Variants in CNR2 observed in about 807,000 individuals in gnomAD.
CNR2 encodes the protein cannabinoid receptor 2, also known as cannabinoid receptor 2 (macrophage).
For missense variants in CNR2, 379 were observed against 439.9 expected (o/e 0.86, Z 1.24); for synonymous variants, 172 against 182.2 (o/e 0.94, Z 0.45).
At chr1:23,891,329 C>T (rs545003810) in intron 1 of CNR2, among the ~76,000 whole-genome samples, 22 of 150,208 alleles carry the variant, frequency 1.5e-4, no homozygotes, top group Admixed American at 1.2e-3. Context: ...TACTGAAAAT[C>T]CAAATCAGGC....
chr1:23,888,858 A>G (rs1307677832), intron 1 of CNR2, among the ~76,000 whole-genome samples: 1 of 152,134 alleles, frequency 6.6e-6, no homozygotes, highest in Non-Finnish European at 1.5e-5. Context: ...AATCCCAGCT[A>G]TTCGGGAGGC....
At position 23,912,049 on chromosome 1, in the gene CNR2, C is replaced by T. The variant is rs540004819; in HGVS notation, c.-46+1197G>A. ...TCAAACTCTCCACCACAGCCATTCC[C>T]GAGCCCTGTGCTGCTGCCCGCCCTG... On this transcript the variant is annotated intron_variant, in intron 1 of 1. Transcript: ENST00000374472. Among the ~76,000 whole-genome samples, 116 of 152,306 alleles carry T rather than the reference C, an allele frequency of 7.6e-4. 2 individuals carry two copies. Among genetic ancestry groups the T allele is most frequent in the South Asian group, 2.3e-3 (11 of 4,832 alleles).
intron 1 of CNR2, among the ~76,000 whole-genome samples, chr1:23,877,768 C>A (rs1015941895): frequency 1.3e-5 from 2 of 152,030 alleles, no homozygotes; most frequent in African/African-American, 4.8e-5. Context: ...CAAGACTAGC[C>A]TGGCTAACAT....
At chr1:23,896,910 G>C (rs1390324593) in intron 1 of CNR2, among the ~76,000 whole-genome samples, 1 of 132,814 alleles carries the variant, frequency 7.5e-6, no homozygotes, top group South Asian at 2.4e-4. Context: ...CTAGAGTCTT[G>C]CTCTGTCACC....
chr1:23,902,252 G>C, intron 1 of CNR2: 1 of 1,369,322 alleles, frequency 7.3e-7, no homozygotes, highest in Non-Finnish European at 1.0e-6. Context: ...ACGTCTGCCG[G>C]TCCATCTCAC....
intron 1 of CNR2, chr1:23,902,788 C>CAA (rs1640423810): frequency 1.1e-5 from 15 of 1,422,594 alleles, no homozygotes; most frequent in Non-Finnish European, 1.2e-5. Context: ...GTGTGGGCTG[C>CAA]GCGGGCGCGG....
chr1:23,898,899 C>T (rs886348488), intron 1 of CNR2, among the ~76,000 whole-genome samples: 3 of 149,670 alleles, frequency 2.0e-5, no homozygotes, highest in African/African-American at 7.4e-5. Context: ...GTGATCCAAC[C>T]ACCTCCACCT....
chr1:23,883,789 C>T (rs1640033191), intron 1 of CNR2, among the ~76,000 whole-genome samples: 1 of 152,134 alleles, frequency 6.6e-6, no homozygotes, highest in South Asian at 2.1e-4. Context: ...TGCACCACTG[C>T]ACTCCAGTCT....
intron 1 of CNR2, among the ~76,000 whole-genome samples, chr1:23,909,770 C>T (rs74065436): frequency 0.013 from 2,013 of 152,172 alleles, 48 homozygotes; most frequent in African/African-American, 0.046. Context: ...GCCTGGCGAG[C>T]GACACAGTAA....
Position 23,877,567 on chromosome 1 carries a change from G to A in CNR2, c.-45-1905C>T, listed in dbSNP as rs577538919. Reference sequence around the variant, plus strand: ...GGAGAATGGCGTGAACCCGGGAGGCGGAGCTTGCAGTGAGCCGAGAGCCGA... The same window carrying A: ...GGAGAATGGCGTGAACCCGGGAGGCAGAGCTTGCAGTGAGCCGAGAGCCGA... On this transcript the variant is annotated intron_variant, in intron 1 of 1. Coordinates refer to ENST00000374472, the MANE Select transcript of CNR2 (RefSeq NM_001841.3). Among the ~76,000 whole-genome samples, 56 of 151,358 alleles carry A rather than the reference G, an allele frequency of 3.7e-4. 1 individual carries two copies. In the South Asian group the frequency reaches 7.5e-3, roughly 20 times the overall value.
intron 1 of CNR2, among the ~76,000 whole-genome samples, chr1:23,879,736 T>TA (rs913104807): frequency 6.0e-4 from 89 of 149,276 alleles, no homozygotes; most frequent in South Asian, 5.7e-3. Context: ...ATTTTAGGCT[T>TA]AAAAAAAAAA....
chr1:23,877,862 G>A (rs1340685262), intron 1 of CNR2, among the ~76,000 whole-genome samples: 5 of 151,992 alleles, frequency 3.3e-5, no homozygotes, highest in Admixed American at 3.3e-4. Flanking sequence ...TCAGGAGGCT[G>A]AGGCAGGAGA....
chr1:23,911,767 C>T (rs1014372326), intron 1 of CNR2, among the ~76,000 whole-genome samples: 3 of 152,134 alleles, frequency 2.0e-5, no homozygotes, highest in Non-Finnish European at 2.9e-5. Flanking sequence ...TGGCCTTAGC[C>T]GGCCAAAGGG....
chr1:23,884,048 T>C (rs988688854), intron 1 of CNR2, among the ~76,000 whole-genome samples: 1 of 151,272 alleles, frequency 6.6e-6, no homozygotes, highest in Non-Finnish European at 1.5e-5. Flanking sequence ...AGGAAAAATC[T>C]GTGCCTCTCT....
At chr1:23,898,342 T>TCC (rs1557531635) in intron 1 of CNR2, among the ~76,000 whole-genome samples, 2 of 106,340 alleles carry the variant, frequency 1.9e-5, no homozygotes, top group Non-Finnish European at 3.7e-5. Context: ...CGGCTTTTTT[T>TCC]TTTTTTTTTT....
chr1:23,870,801 T>A lies in CNR2; in HGVS notation c.*3734A>T, dbSNP rs1639749781. The A allele has an allele frequency of 6.6e-6, 1 of 152,176 alleles. No individual in the cohort carries two copies. Among genetic ancestry groups the A allele is most frequent in the Non-Finnish European group, 1.5e-5 (1 of 68,074 alleles). 9.4% of individuals were successfully genotyped at this position (152,176 alleles called of 1,614,324 possible). ...ACAACAAGGGCAGTTCTCAGTGATATCTAGGTCCCTTTTGCACCCTTGTTC... is the reference window on the plus strand; with the variant it reads ...ACAACAAGGGCAGTTCTCAGTGATAACTAGGTCCCTTTTGCACCCTTGTTC... On this transcript the variant is annotated 3_prime_UTR_variant, in exon 2 of 2. Coordinates refer to ENST00000374472, the MANE Select transcript of CNR2 (RefSeq NM_001841.3).
At chr1:23,910,122 ATTTTTTT>A (rs34885370) in intron 1 of CNR2, among the ~76,000 whole-genome samples, 210 of 120,306 alleles carry the variant, frequency 1.7e-3, no homozygotes, top group African/African-American at 6.1e-3. Context: ...CTAATTTTTA[ATTTTTTT>A]TTTTTTTTTT....
At chr1:23,912,262 C>T (rs1314287198) in intron 1 of CNR2, among the ~76,000 whole-genome samples, 8 of 152,204 alleles carry the variant, frequency 5.3e-5, no homozygotes. Context: ...TACTGCTCTT[C>T]CCTCCGCTGA....
chr1:23,880,302 C>T (rs1009797074), intron 1 of CNR2, among the ~76,000 whole-genome samples: 5 of 151,876 alleles, frequency 3.3e-5, no homozygotes, highest in Non-Finnish European at 7.4e-5. Context: ...CTCAGCCTCC[C>T]GAGTAGCTGG....
Sources: gnomAD v4.1 joint callset for allele counts (sites outside exome capture counted in the v4.1 genomes callset) on GRCh38, gnomAD v4.1.1 for gene constraint, MANE v1.5 for transcripts, NCBI Gene and HGNC (gene_info 2026-07-23, HGNC 2026-07-21) for gene names.